Variants in CCDC3 observed in about 807,000 individuals in gnomAD.
CCDC3 encodes the protein coiled-coil domain-containing protein 3.
A neutral mutation model predicts 21.4 loss-of-function variants in CCDC3; 24 were observed. That is an observed-to-expected ratio of 1.12 (90% CI 0.81 to 1.58). The LOEUF (loss-of-function observed/expected upper bound fraction) is 1.58. Among genes scored for constraint, CCDC3 ranks in the 40% most tolerant of loss-of-function variants. The pLI, the probability that CCDC3 is intolerant of heterozygous loss-of-function variation, is 0.00. For missense variants in CCDC3, 425 were observed against 360.9 expected, an observed-to-expected ratio of 1.18 and a Z score of -1.44; for synonymous variants, 186 against 166.0, an observed-to-expected ratio of 1.12 and a Z score of -0.93.
intron 3 of CCDC3, among the ~76,000 whole-genome samples, chr10:13,088,495 G>T (rs1029916050): frequency 6.6e-6 from 1 of 152,160 alleles, no homozygotes; most frequent in African/African-American, 2.4e-5. Context: ...CAAGGAGCAT[G>T]AATCATATTG....
At chr10:13,098,138 G>A (rs771402400) in intron 3 of CCDC3, among the ~76,000 whole-genome samples, 1 of 150,168 alleles carries the variant, frequency 6.7e-6, no homozygotes, top group Non-Finnish European at 1.5e-5. Context: ...CCCCCACCCC[G>A]ACCCCACCAC....
At chr10:12,949,203 T>A (rs959651430) in intron 2 of CCDC3, among the ~76,000 whole-genome samples, 3 of 152,086 alleles carry the variant, frequency 2.0e-5, no homozygotes, top group Non-Finnish European at 4.4e-5. Context: ...AAGAGAACTC[T>A]GTAACTGGGC....
At chr10:13,087,965 C>G (rs565798891) in intron 3 of CCDC3, among the ~76,000 whole-genome samples, 1 of 152,256 alleles carries the variant, frequency 6.6e-6, no homozygotes, top group South Asian at 2.1e-4. Context: ...ATGATCAGAT[C>G]CAGGATTCCA....
At position 12,999,180 on chromosome 10, in the gene CCDC3, C is replaced by T. The variant is rs148716075; in HGVS notation, c.375-668G>A. 1.9e-3 allele frequency among the ~76,000 whole-genome samples: 296 copies of T among 152,288 alleles called. 2 individuals carry two copies. The highest frequency in any genetic ancestry group is 6.8e-3 in the African/African-American group (282 of 41,556). On this transcript the variant is annotated intron_variant, in intron 1 of 2. Transcript: ENST00000378825. ...ACTTGAACCTAGGAGGCGGAGGATG[C>T]AGTGAGCAGAGATTGCACCATTGCA...
chr10:13,022,242 C>A (rs559405155), intron 5 of CCDC3, among the ~76,000 whole-genome samples: 43 of 152,194 alleles, frequency 2.8e-4, no homozygotes, highest in African/African-American at 9.4e-4. Context: ...TCAAAGCAAT[C>A]CTCTCTCTCT....
chr10:12,995,988 G>C (rs1045770626), intron 2 of CCDC3, among the ~76,000 whole-genome samples: 3 of 152,138 alleles, frequency 2.0e-5, no homozygotes, highest in African/African-American at 7.2e-5. Context: ...ACCTATTAAA[G>C]ATCAGAATAA....
intron 2 of CCDC3, among the ~76,000 whole-genome samples, chr10:12,900,944 A>C (rs1325039245): frequency 6.6e-6 from 1 of 152,232 alleles, no homozygotes; most frequent in South Asian, 2.1e-4. Flanking sequence ...CTGCAGACCG[A>C]TAGCCGATAG....
chr10:13,089,148 T>C (rs1400003318), intron 3 of CCDC3, among the ~76,000 whole-genome samples: 1 of 152,188 alleles, frequency 6.6e-6, no homozygotes, highest in Non-Finnish European at 1.5e-5. Context: ...CCATATAAAA[T>C]ACATCTTAGA....
intron 5 of CCDC3, among the ~76,000 whole-genome samples, chr10:13,031,861 TG>T (rs764343102): frequency 2.2e-4 from 33 of 151,980 alleles, no homozygotes; most frequent in Non-Finnish European, 3.1e-4. Context: ...AGCCTACCAA[TG>T]AAAAAAAGTC....
intron 2 of CCDC3, among the ~76,000 whole-genome samples, chr10:12,997,728 A>G (rs571708976): frequency 6.6e-6 from 1 of 152,254 alleles, no homozygotes; most frequent in Non-Finnish European, 1.5e-5. Flanking sequence ...AACGGCTCAC[A>G]TGTATTGAGC....
intron 5 of CCDC3, among the ~76,000 whole-genome samples, chr10:13,047,946 A>G (rs78461891): frequency 0.016 from 2,494 of 152,284 alleles, 68 homozygotes; most frequent in African/African-American, 0.056. Flanking sequence ...GGGGGAAAGC[A>G]GGCTGGAGGG....
chr10:12,907,284 C>G (rs911977314), intron 2 of CCDC3, among the ~76,000 whole-genome samples: 2 of 152,178 alleles, frequency 1.3e-5, no homozygotes, highest in African/African-American at 4.8e-5. Flanking sequence ...GGTGAAGAAG[C>G]TGGAGCTACC....
intron 3 of CCDC3, among the ~76,000 whole-genome samples, chr10:13,093,902 A>G (rs985169932): frequency 6.6e-6 from 1 of 152,230 alleles, no homozygotes; most frequent in Non-Finnish European, 1.5e-5. Flanking sequence ...CAGGCATGCA[A>G]AGAAGATAAT....
Position 12,916,262 on chromosome 10 carries a change from T to C in CCDC3, c.550-17583A>G, listed in dbSNP as rs553171438. Among the ~76,000 whole-genome samples the C allele has an allele frequency of 2.6e-5, 4 of 151,356 alleles. No individual in the cohort carries two copies. The East Asian group carries it at 5.8e-4, about 22-fold the overall frequency. On this transcript the variant is annotated intron_variant, in intron 2 of 2. Coordinates refer to ENST00000378825, the MANE Select transcript of CCDC3 (RefSeq NM_031455.4). ...GCCTGGCCAACATGGTGAAACCCCG[T>C]CTCTACTACAAATACAAAAATTAGC...
intron 3 of CCDC3, among the ~76,000 whole-genome samples, chr10:13,092,508 T>C (rs1409844889): frequency 1.3e-5 from 2 of 152,258 alleles, no homozygotes; most frequent in African/African-American, 2.4e-5. Context: ...AAGTCTGTTA[T>C]GACTGGGATT....
chr10:13,016,772 G>A (rs990459473), intron 5 of CCDC3, among the ~76,000 whole-genome samples: 3 of 152,066 alleles, frequency 2.0e-5, no homozygotes, highest in Non-Finnish European at 4.4e-5. Flanking sequence ...GAATGCTATG[G>A]AACTGCTGAG....
intron 2 of CCDC3, among the ~76,000 whole-genome samples, chr10:12,936,788 C>T (rs942844867): frequency 1.4e-4 from 21 of 152,192 alleles, no homozygotes; most frequent in Non-Finnish European, 2.6e-4. Context: ...TGGCACACAC[C>T]TATAGTCCCA....
intron 5 of CCDC3, among the ~76,000 whole-genome samples, chr10:13,027,453 C>G (rs572220607): frequency 6.6e-6 from 1 of 152,286 alleles, no homozygotes; most frequent in African/African-American, 2.4e-5. Flanking sequence ...CTCTTTCTCT[C>G]TGACGTCTCA....
At chr10:12,900,646 G>A (rs1348763089) in intron 2 of CCDC3, among the ~76,000 whole-genome samples, 4 of 142,834 alleles carry the variant, frequency 2.8e-5, no homozygotes, top group South Asian at 2.3e-4. Flanking sequence ...AGCCGAGATC[G>A]CGCCACTGCA....
Sources: allele counts gnomAD v4.1 joint callset (sites outside exome capture counted in the v4.1 genomes callset), GRCh38; gene constraint gnomAD v4.1.1; transcripts MANE v1.5; gene names NCBI Gene and HGNC (gene_info 2026-07-23, HGNC 2026-07-21).